Variants in NYAP2 observed in about 807,000 individuals in gnomAD.
The protein encoded by NYAP2 is neuronal tyrosine-phosphorylated phosphoinositide-3-kinase adapter 2.
NYAP2 carries 23 observed loss-of-function variants against 50.4 expected under a neutral mutation model. The observed-to-expected ratio is 0.46, with a 90% CI of 0.33 to 0.65. NYAP2 has a LOEUF of 0.65. NYAP2 is among the 30% of genes least tolerant of loss of function. NYAP2 has a pLI of 0.02. For missense variants in NYAP2, 885 were observed against 861.0 expected (o/e 1.03, Z -0.35); for synonymous variants, 394 against 365.2 (o/e 1.08, Z -0.90).
At chr2:225,684,264 G>A in the NYAP2 span, among the ~76,000 whole-genome samples, 1 of 152,126 alleles carries the variant, frequency 6.6e-6, no homozygotes, top group African/African-American at 2.4e-5. Flanking sequence ...TATTACCAGT[G>A]AGATGAAAAA....
chr2:225,405,797 T>C (rs1441103378), intron 2 of NYAP2, among the ~76,000 whole-genome samples: 1 of 151,986 alleles, frequency 6.6e-6, no homozygotes, highest in African/African-American at 2.4e-5. Context: ...TGGGGGACAA[T>C]GGTTATGTGG....
chr2:225,571,814 C>G (rs1307333587), intron 4 of NYAP2, among the ~76,000 whole-genome samples: 1 of 152,210 alleles, frequency 6.6e-6, no homozygotes, highest in Admixed American at 6.5e-5. Flanking sequence ...CTGCAACAGG[C>G]TTGAATTTCT....
the NYAP2 span, among the ~76,000 whole-genome samples, chr2:225,695,350 A>G: frequency 6.6e-6 from 1 of 152,052 alleles, no homozygotes; most frequent in Admixed American, 6.6e-5. Context: ...TAAATAAAAT[A>G]AAATCATAGA....
chr2:225,552,379 G>T (rs1691693200), intron 4 of NYAP2, among the ~76,000 whole-genome samples: 1 of 152,148 alleles, frequency 6.6e-6, no homozygotes, highest in Admixed American at 6.5e-5. Context: ...ACTTCATGAA[G>T]AGACTACCAT....
chr2:225,621,759 G>A (rs1312313678), intron 5 of NYAP2, among the ~76,000 whole-genome samples: 1 of 151,066 alleles, frequency 6.6e-6, no homozygotes, highest in Non-Finnish European at 1.5e-5. Flanking sequence ...GTGCAGAATG[G>A]GCATATTTGT....
intron 4 of NYAP2, among the ~76,000 whole-genome samples, chr2:225,546,157 T>C (rs1691577225): frequency 6.6e-6 from 1 of 152,072 alleles, no homozygotes; most frequent in African/African-American, 2.4e-5. Context: ...ATTGAGTCTC[T>C]CCTAGGGCCC....
the NYAP2 span, among the ~76,000 whole-genome samples, chr2:225,688,745 TTGTC>T: frequency 2.6e-5 from 4 of 152,184 alleles, no homozygotes; most frequent in East Asian, 1.9e-4. Flanking sequence ...CAACTTTTTT[TTGTC>T]TGTCTATTTT....
chr2:225,608,524 G>A (rs1692828237), intron 5 of NYAP2, among the ~76,000 whole-genome samples: 1 of 152,032 alleles, frequency 6.6e-6, no homozygotes, highest in Non-Finnish European at 1.5e-5. Flanking sequence ...TCTTTTCTAT[G>A]TAAATTCAGG....
chr2:225,512,667 T>TGCTTGTCTTGCTTTGCTTGTCTTG (rs1272894271), intron 3 of NYAP2, among the ~76,000 whole-genome samples: 1,525 of 151,138 alleles, frequency 0.01, 14 homozygotes, highest in Non-Finnish European at 0.017. Context: ...CTCCCATCTT[T>TGCTTGTCTTGCTTTGCTTGTCTTG]CTTTGCTTGT....
rs369495121 is a variant in NYAP2, at chr2:225,518,743, G to T, written c.523+5071G>T. Among the ~76,000 whole-genome samples, 33 of 148,172 alleles carry T rather than the reference G, an allele frequency of 2.2e-4. 1 individual carries two copies. In the East Asian group the frequency reaches 6.5e-3, roughly 29 times the overall value. On this transcript the variant is annotated intron_variant, in intron 4 of 6. Coordinates refer to ENST00000636099, the Ensembl canonical transcript of NYAP2. ...TGCCAATTAAAAATAAATAGGCCAG[G>T]CATGGTGGCTTACACCTATAATCCC... is the stretch of plus-strand genomic sequence containing the variant.
intron 6 of NYAP2, among the ~76,000 whole-genome samples, chr2:225,650,366 C>T (rs928587506): frequency 1.3e-5 from 2 of 152,152 alleles, no homozygotes; most frequent in Admixed American, 6.5e-5. Context: ...CTCTCTGGCA[C>T]GCGTGTCAGT....
intron 3 of NYAP2, among the ~76,000 whole-genome samples, chr2:225,501,801 T>C (rs1398395396): frequency 6.6e-6 from 1 of 152,192 alleles, no homozygotes; most frequent in Non-Finnish European, 1.5e-5. Context: ...TCTTCCACTA[T>C]CTCTACCCAC....
chr2:225,625,043 TAAAA>T lies in NYAP2; in HGVS notation c.1619-1848_1619-1845del, dbSNP rs386392796. Reference sequence around the variant, plus strand: ...GTTGATAAGGATTTTAACCCAAGCGTAAAAAAAAAAAAAAAAAAAAAAAAAAAAA... The same window carrying T: ...GTTGATAAGGATTTTAACCCAAGCGTAAAAAAAAAAAAAAAAAAAAAAAAA... On this transcript the variant is annotated intron_variant, in intron 5 of 6. Transcript: ENST00000636099. 1.6e-4 allele frequency among the ~76,000 whole-genome samples: 11 copies of T among 69,628 alleles called. No homozygotes were observed. In the East Asian group the frequency reaches 3.5e-3, roughly 22 times the overall value. 45.7% of individuals were successfully genotyped at this position (69,628 alleles called of 152,430 possible).
intron 5 of NYAP2, among the ~76,000 whole-genome samples, chr2:225,621,986 C>G (rs1036737320): frequency 6.6e-6 from 1 of 152,158 alleles, no homozygotes; most frequent in Admixed American, 6.6e-5. Context: ...AATAATGCTA[C>G]TATAAACTTG....
intron 3 of NYAP2, among the ~76,000 whole-genome samples, chr2:225,437,319 T>C (rs1006169180): frequency 5.3e-5 from 8 of 152,160 alleles, no homozygotes; most frequent in Admixed American, 5.2e-4. Context: ...TACTTTCTGC[T>C]CCTGTGTTTT....
At chr2:225,566,040 T>C (rs1691954640) in intron 4 of NYAP2, among the ~76,000 whole-genome samples, 1 of 152,152 alleles carries the variant, frequency 6.6e-6, no homozygotes, top group African/African-American at 2.4e-5. Context: ...GACAAGTAAT[T>C]CAATTTCTCT....
chr2:225,591,800 A>T (rs1296592359), intron 5 of NYAP2, among the ~76,000 whole-genome samples: 1 of 152,178 alleles, frequency 6.6e-6, no homozygotes, highest in Non-Finnish European at 1.5e-5. Context: ...TCAAAAGTCT[A>T]AGGGCTCATG....
At chr2:225,537,159 G>T (rs932168218) in intron 4 of NYAP2, among the ~76,000 whole-genome samples, 4 of 151,996 alleles carry the variant, frequency 2.6e-5, no homozygotes, top group African/African-American at 9.7e-5. Flanking sequence ...CCCAGCCTCT[G>T]GTAATCTTCC....
At chr2:225,702,906 C>T in the NYAP2 span, 1 of 151,442 alleles carries the variant, frequency 6.6e-6, no homozygotes, top group Non-Finnish European at 1.5e-5. Flanking sequence ...TGGGTTTGCC[C>T]ACCCTAAAAG....
Sources: allele counts gnomAD v4.1 joint callset (sites outside exome capture counted in the v4.1 genomes callset), GRCh38; gene constraint gnomAD v4.1.1; transcripts MANE v1.5; gene names NCBI Gene and HGNC (gene_info 2026-07-23, HGNC 2026-07-21).